The following FHIT variants were observed in gnomAD, a reference collection of about 807,000 sequenced individuals.
FHIT encodes bis(5'-adenosyl)-triphosphatase.
FHIT carries 19 observed loss-of-function variants against 17.9 expected under a neutral mutation model. The ratio of observed to expected loss-of-function variants is 1.06; its 90% CI spans 0.74 to 1.56. The LOEUF is 1.56. Among genes scored for constraint, FHIT ranks in the 40% most tolerant of loss-of-function variants. The probability of loss-of-function intolerance (pLI) is 0.00; values close to 1 mark genes in which losing one functional copy is unlikely to be tolerated. For missense variants in FHIT, 248 were observed against 189.2 expected (o/e 1.31, Z -1.82); for synonymous variants, 81 against 69.7 (o/e 1.16, Z -0.81).
At chr3:59,889,628 C>T (rs1299692687) in intron 8 of FHIT, among the ~76,000 whole-genome samples, 1 of 152,218 alleles carries the variant, frequency 6.6e-6, no homozygotes, top group Non-Finnish European at 1.5e-5. Context: ...GAAGACACTA[C>T]AACGTGGTTG....
intron 8 of FHIT, among the ~76,000 whole-genome samples, chr3:59,859,206 C>G (rs1702304353): frequency 6.6e-6 from 1 of 152,088 alleles, no homozygotes; most frequent in Non-Finnish European, 1.5e-5. Context: ...ACCAGGTGAT[C>G]AAGTGGGGAT....
rs765204991 is a variant in FHIT, at chr3:61,160,260, C to T, written c.-164+40357G>A. Among the ~76,000 whole-genome samples, 48 of 151,338 alleles carry T rather than the reference C, an allele frequency of 3.2e-4. No homozygotes were observed. The Middle Eastern group carries it at 0.01, about 32-fold the overall frequency. ...ATATCTGCACTTTTTACAAGTGCCT[C>T]ATGTGATTCTGAGGCAATGGTGAGA... On this transcript the variant is annotated intron_variant, in intron 2 of 9. Coordinates refer to ENST00000492590, the MANE Select transcript of FHIT (RefSeq NM_002012.4).
At chr3:60,580,433 A>G (rs1180090759) in intron 4 of FHIT, among the ~76,000 whole-genome samples, 1 of 152,168 alleles carries the variant, frequency 6.6e-6, no homozygotes, top group Non-Finnish European at 1.5e-5. Context: ...GATGATAGGA[A>G]TTACTACTAG....
intron 5 of FHIT, among the ~76,000 whole-genome samples, chr3:60,309,246 ACC>A (rs1198791440): frequency 2.0e-5 from 3 of 151,940 alleles, no homozygotes; most frequent in Non-Finnish European, 4.4e-5. Context: ...GGGAAAATCC[ACC>A]TCACCAAATA....
chr3:60,312,140 T>C (rs1455175009), intron 5 of FHIT, among the ~76,000 whole-genome samples: 1 of 152,104 alleles, frequency 6.6e-6, no homozygotes, highest in Non-Finnish European at 1.5e-5. Flanking sequence ...CCTGTACTAA[T>C]GGGATAAAAA....
At position 60,735,926 on chromosome 3, in the gene FHIT, C is replaced by G. The variant is rs569153675; in HGVS notation, c.-18+85993G>C. On this transcript the variant is annotated intron_variant, in intron 4 of 9. Coordinates refer to ENST00000492590, the MANE Select transcript of FHIT (RefSeq NM_002012.4). ...AATACTGATGGGCTATTACCTCATG[C>G]AGGTACCCTAATAAATCTTGTTTCC... Among the ~76,000 whole-genome samples, 4 of 152,304 alleles carry G rather than the reference C, an allele frequency of 2.6e-5. No homozygotes were observed. In the South Asian group the frequency reaches 8.3e-4, roughly 32 times the overall value.
chr3:60,060,123 C>G (rs901815876), intron 5 of FHIT, among the ~76,000 whole-genome samples: 1 of 151,816 alleles, frequency 6.6e-6, no homozygotes, highest in African/African-American at 2.4e-5. Flanking sequence ...CCCTGGGGAG[C>G]CTCTATAACT....
At chr3:59,837,751 G>A (rs2106733842) in intron 8 of FHIT, among the ~76,000 whole-genome samples, 1 of 152,244 alleles carries the variant, frequency 6.6e-6, no homozygotes, top group Admixed American at 6.5e-5. Context: ...TGGACTGCTT[G>A]GGTTGGAATA....
intron 6 of FHIT, 78 bp downstream of exon 6, chr3:60,013,929 A>C: frequency 5.7e-6 from 8 of 1,402,070 alleles, no homozygotes; most frequent in Non-Finnish European, 8.0e-6. Flanking sequence ...CCCTCCTGGT[A>C]AGATATCAGG....
chr3:59,960,524 C>T (rs1344550389), intron 7 of FHIT, among the ~76,000 whole-genome samples: 3 of 152,076 alleles, frequency 2.0e-5, no homozygotes, highest in Non-Finnish European at 4.4e-5. Context: ...TTAGGTTTTA[C>T]ATGTTAGGAG....
rs189815845 is a variant in FHIT, at chr3:60,194,683, T to C, written c.104-180531A>G. Among the ~76,000 whole-genome samples the C allele has an allele frequency of 4.8e-3, 737 of 152,230 alleles. 6 individuals carry two copies. Among genetic ancestry groups the C allele is most frequent in the Non-Finnish European group, 5.2e-3 (357 of 68,028 alleles). ...GGTGAAAATATTTGCAAACTATGCA[T>C]CTGACAAAGGACTAATATCCAGAAT... is the stretch of plus-strand genomic sequence containing the variant. On this transcript the variant is annotated intron_variant, in intron 5 of 9. Transcript: ENST00000492590.
chr3:60,233,506 A>C (rs937163744), intron 5 of FHIT, among the ~76,000 whole-genome samples: 2 of 151,834 alleles, frequency 1.3e-5, no homozygotes, highest in Non-Finnish European at 2.9e-5. Context: ...CATGCTACCT[A>C]AAGCACCTTC....
intron 5 of FHIT, among the ~76,000 whole-genome samples, chr3:60,202,235 C>A (rs906592255): frequency 3.9e-5 from 6 of 152,170 alleles, no homozygotes; most frequent in African/African-American, 1.4e-4. Context: ...CATTTACTTA[C>A]AAGAAAAATG....
chr3:61,082,234 C>T (rs1002379994), intron 2 of FHIT, among the ~76,000 whole-genome samples: 2 of 152,136 alleles, frequency 1.3e-5, no homozygotes, highest in Non-Finnish European at 2.9e-5. Flanking sequence ...TTTCATATCC[C>T]TTCCCAATTA....
At chr3:61,205,101 A>G (rs902625275) in intron 1 of FHIT, among the ~76,000 whole-genome samples, 4 of 151,418 alleles carry the variant, frequency 2.6e-5, no homozygotes, top group African/African-American at 9.7e-5. Context: ...GATAGTTTGC[A>G]GAGAATGATG....
intron 4 of FHIT, among the ~76,000 whole-genome samples, chr3:60,740,028 T>C (rs538635939): frequency 6.6e-6 from 1 of 152,346 alleles, no homozygotes; most frequent in South Asian, 2.1e-4. Flanking sequence ...TCCTTCTATC[T>C]GATTAGAGAG....
chr3:61,057,926 C>A (rs1339434351), intron 2 of FHIT, among the ~76,000 whole-genome samples: 1 of 152,144 alleles, frequency 6.6e-6, no homozygotes, highest in Non-Finnish European at 1.5e-5. Context: ...CTCCTTGGGT[C>A]ACAGAACCCT....
chr3:60,413,531 C>T (rs1702139940), intron 5 of FHIT, among the ~76,000 whole-genome samples: 1 of 152,164 alleles, frequency 6.6e-6, no homozygotes, highest in South Asian at 2.1e-4. Context: ...ATGTTCATTT[C>T]TCAATAAGTG....
chr3:60,333,852 G>A (rs1199602249), intron 5 of FHIT, among the ~76,000 whole-genome samples: 2 of 152,152 alleles, frequency 1.3e-5, no homozygotes, highest in Non-Finnish European at 2.9e-5. Flanking sequence ...TACTGTATTT[G>A]GACAATGAGA....
Sources: allele counts gnomAD v4.1 joint callset (sites outside exome capture counted in the v4.1 genomes callset), GRCh38; gene constraint gnomAD v4.1.1; transcripts MANE v1.5; gene names NCBI Gene and HGNC (gene_info 2026-07-23, HGNC 2026-07-21).